Variants in CTNNA2 observed in about 807,000 individuals in gnomAD.
The protein encoded by CTNNA2 is catenin alpha 2.
A neutral mutation model predicts 101.0 loss-of-function variants in CTNNA2; 42 were observed. The ratio of observed to expected loss-of-function variants is 0.42; its 90% CI spans 0.32 to 0.54. CTNNA2 has a LOEUF of 0.54. Ranked by LOEUF, CTNNA2 falls within the 20% of genes least tolerant of loss-of-function variation. CTNNA2 has a pLI of 0.14. For missense variants in CTNNA2, 871 were observed against 1,223.1 expected, an observed-to-expected ratio of 0.71 and a Z score of 4.29; for synonymous variants, 450 against 456.4, an observed-to-expected ratio of 0.99 and a Z score of 0.18.
intron 7 of CTNNA2, among the ~76,000 whole-genome samples, chr2:80,090,251 C>A (rs1699715690): frequency 6.6e-6 from 1 of 151,562 alleles, no homozygotes; most frequent in Non-Finnish European, 1.5e-5. Context: ...GCTTGTGGAA[C>A]ACACAGTCTG....
chr2:79,483,331 T>C (rs1671127705), intron 4 of CTNNA2, among the ~76,000 whole-genome samples: 2 of 152,370 alleles, frequency 1.3e-5, no homozygotes, highest in Admixed American at 6.5e-5. Context: ...CAGAATTTAG[T>C]GTCTTAAAAC....
intron 4 of CTNNA2, among the ~76,000 whole-genome samples, chr2:79,445,328 A>C (rs552607435): frequency 1.4e-4 from 21 of 152,180 alleles, no homozygotes; most frequent in South Asian, 1.0e-3. Context: ...AATCAAAAGT[A>C]CCCAAGTTTT....
intron 9 of CTNNA2, among the ~76,000 whole-genome samples, chr2:80,541,683 G>T (rs1691568000): frequency 6.6e-6 from 1 of 151,814 alleles, no homozygotes; most frequent in African/African-American, 2.4e-5. Flanking sequence ...CTGCGATCTG[G>T]GGAGCTATGC....
At chr2:80,258,093 A>T (rs1156472941) in intron 7 of CTNNA2, among the ~76,000 whole-genome samples, 1 of 152,220 alleles carries the variant, frequency 6.6e-6, no homozygotes, top group Admixed American at 6.5e-5. Flanking sequence ...ACATTTCACA[A>T]TATGTTTCTA....
intron 3 of CTNNA2, among the ~76,000 whole-genome samples, chr2:79,778,218 T>C (rs1325769247): frequency 1.3e-5 from 2 of 150,830 alleles, no homozygotes; most frequent in Non-Finnish European, 2.9e-5. Flanking sequence ...TGGTGGCACA[T>C]GCCTCCAGTC....
At chr2:80,312,772 A>G (rs938754051) in intron 7 of CTNNA2, among the ~76,000 whole-genome samples, 24 of 152,306 alleles carry the variant, frequency 1.6e-4, no homozygotes, top group African/African-American at 5.5e-4. Context: ...TTTTGTCCTC[A>G]CAGATAAAAT....
chr2:79,414,413 C>T (rs571390533), intron 4 of CTNNA2, among the ~76,000 whole-genome samples: 1 of 152,130 alleles, frequency 6.6e-6, no homozygotes, highest in Admixed American at 6.6e-5. Context: ...TTGTTAAAAA[C>T]ACTAGCTCAA....
At chr2:80,436,649 C>G (rs1490092446) in intron 9 of CTNNA2, among the ~76,000 whole-genome samples, 2 of 152,070 alleles carry the variant, frequency 1.3e-5, no homozygotes. Context: ...GTTCCAGAGG[C>G]TGGGAGGTCC....
intron 2 of CTNNA2, among the ~76,000 whole-genome samples, chr2:79,714,595 T>C (rs887581040): frequency 6.0e-5 from 9 of 150,314 alleles, no homozygotes; most frequent in African/African-American, 2.3e-4. Context: ...TTCACCCAGC[T>C]GAACTTCAAA....
intron 12 of CTNNA2, among the ~76,000 whole-genome samples, chr2:80,557,044 G>T (rs898777771): frequency 2.0e-5 from 3 of 152,132 alleles, no homozygotes; most frequent in Non-Finnish European, 2.9e-5. Context: ...TGTTAGCCTG[G>T]AATAGCAAGT....
chr2:80,239,317 A>G (rs1458366413), intron 7 of CTNNA2, among the ~76,000 whole-genome samples: 4 of 152,142 alleles, frequency 2.6e-5, no homozygotes, highest in African/African-American at 4.8e-5. Context: ...GCTATGCGAA[A>G]CTTGGGTGAT....
At chr2:80,100,090 C>G (rs1178914710) in intron 7 of CTNNA2, among the ~76,000 whole-genome samples, 1 of 150,836 alleles carries the variant, frequency 6.6e-6, no homozygotes, top group East Asian at 1.9e-4. Context: ...CCCCTATGCC[C>G]AGCTACATTT....
chr2:80,414,485 G>T (rs909785214), intron 8 of CTNNA2, among the ~76,000 whole-genome samples: 4 of 152,226 alleles, frequency 2.6e-5, no homozygotes, highest in East Asian at 1.9e-4. Context: ...GTCAGTATCT[G>T]AGTTCCTTTT....
chr2:80,355,789 T>C (rs1673732206), intron 7 of CTNNA2, among the ~76,000 whole-genome samples: 1 of 152,142 alleles, frequency 6.6e-6, no homozygotes, highest in Non-Finnish European at 1.5e-5. Context: ...ATTTTAAAAG[T>C]CTTGTTTTCC....
At chr2:79,861,713 A>C (rs950469734) in intron 4 of CTNNA2, among the ~76,000 whole-genome samples, 12 of 152,186 alleles carry the variant, frequency 7.9e-5, no homozygotes, top group Non-Finnish European at 1.6e-4. Flanking sequence ...TGACTGCAAA[A>C]GGTTTTTGCT....
chr2:79,553,416 A>G (rs1481676541), intron 1 of CTNNA2, among the ~76,000 whole-genome samples: 1 of 152,196 alleles, frequency 6.6e-6, no homozygotes, highest in African/African-American at 2.4e-5. Flanking sequence ...AAGTATCTTT[A>G]TAGCAGTGCC....
intron 2 of CTNNA2, among the ~76,000 whole-genome samples, chr2:79,280,285 T>G: frequency 6.6e-6 from 1 of 152,234 alleles, no homozygotes; most frequent in East Asian, 1.9e-4. Context: ...CCCTGGACTC[T>G]ATTTTTATCT....
chr2:80,225,263 C>A (rs1708813484), intron 7 of CTNNA2, among the ~76,000 whole-genome samples: 1 of 152,170 alleles, frequency 6.6e-6, no homozygotes, highest in Non-Finnish European at 1.5e-5. Context: ...ATTGGAAAAG[C>A]AGAGCCCGAT....
At chr2:79,970,781 T>C (rs17018350) in intron 7 of CTNNA2, among the ~76,000 whole-genome samples, 33,680 of 151,484 alleles carry the variant, frequency 0.22, 4,336 homozygotes, top group East Asian at 0.43. Flanking sequence ...TGATGAAAGC[T>C]AAATGTGAAA....
Sources: gnomAD v4.1 joint callset for allele counts (sites outside exome capture counted in the v4.1 genomes callset) on GRCh38, gnomAD v4.1.1 for gene constraint, MANE v1.5 for transcripts, NCBI Gene and HGNC (gene_info 2026-07-23, HGNC 2026-07-21) for gene names.